Variants in USP44 observed in about 807,000 individuals in gnomAD.
USP44 encodes ubiquitin specific peptidase 44, also known as ubiquitin carboxyl-terminal hydrolase 44.
In USP44, 61 loss-of-function variants were observed where a neutral mutation model predicts 69.0. That is an observed-to-expected ratio of 0.88 (90% CI 0.72 to 1.09). The LOEUF is 1.09. Among genes scored for constraint, USP44 ranks in the 50% least tolerant of loss-of-function variants. The probability of loss-of-function intolerance (pLI) is 0.00; values close to 1 mark genes in which losing one functional copy is unlikely to be tolerated. For missense variants in USP44, 753 were observed against 849.9 expected, an observed-to-expected ratio of 0.89 and a Z score of 1.42; for synonymous variants, 297 against 295.4, an observed-to-expected ratio of 1.01 and a Z score of -0.06.
intron 2 of USP44, among the ~76,000 whole-genome samples, chr12:95,530,526 G>A (rs1017310439): frequency 6.6e-6 from 1 of 152,072 alleles, no homozygotes; most frequent in African/African-American, 2.4e-5. Flanking sequence ...CTGAGAACCA[G>A]TTCCCTAAGA....
At chr12:95,543,859 C>T (rs1355151044) in intron 1 of USP44, among the ~76,000 whole-genome samples, 8 of 146,764 alleles carry the variant, frequency 5.5e-5, no homozygotes, top group African/African-American at 1.5e-4. Flanking sequence ...CCCAGCTACT[C>T]CGGAGGCTGA....
chr12:95,538,764 C>G (rs1592728468), intron 1 of USP44, among the ~76,000 whole-genome samples: 1 of 152,196 alleles, frequency 6.6e-6, no homozygotes, highest in African/African-American at 2.4e-5. Context: ...GTAACTCAGA[C>G]AGTAACTAGG....
At chr12:95,519,403 G>GC (rs1221443454) in intron 5 of USP44, among the ~76,000 whole-genome samples, 3 of 147,790 alleles carry the variant, frequency 2.0e-5, no homozygotes, top group Non-Finnish European at 4.5e-5. Context: ...ATGGTCCCGA[G>GC]CATTTCAGAC....
chr12:95,543,598 T>G lies in USP44; in HGVS notation c.-71+7674A>C, dbSNP rs1028283487. ...ATCCACGCGTGGCAGTGCATGACTA[T>G]AGTCCCCAGCTACTTGAAAGCTACA... On this transcript the variant is annotated intron_variant, in intron 1 of 5. Coordinates refer to ENST00000258499, the MANE Select transcript of USP44 (RefSeq NM_032147.5). Among the ~76,000 whole-genome samples the G allele has an allele frequency of 2.6e-5, 4 of 152,128 alleles. No homozygotes were observed. The South Asian group carries it at 8.3e-4, about 32-fold the overall frequency.
At chr12:95,527,242 A>C (rs2076869559) in intron 3 of USP44, among the ~76,000 whole-genome samples, 1 of 151,576 alleles carries the variant, frequency 6.6e-6, no homozygotes, top group Non-Finnish European at 1.5e-5. Flanking sequence ...TTACAGGCGC[A>C]CGCCACCATG....
At chr12:95,527,469 T>C (rs2076878767) in intron 3 of USP44, among the ~76,000 whole-genome samples, 1 of 152,128 alleles carries the variant, frequency 6.6e-6, no homozygotes, top group South Asian at 2.1e-4. Context: ...ACAGAGGAAA[T>C]AAAGACACAG....
chr12:95,541,608 G>C (rs2077392547), intron 1 of USP44, among the ~76,000 whole-genome samples: 1 of 152,014 alleles, frequency 6.6e-6, no homozygotes, highest in Admixed American at 6.6e-5. Flanking sequence ...AAAGTATGCT[G>C]ATATTCCGTT....
In USP44 at chr12:95,527,239, C is replaced by T. The variant is rs142989900; in HGVS notation, c.1624+1568G>A. ...CCTCTTGAATAGCTGGGATTACAGG[C>T]GCACGCCACCATGCCCAGCTAATTT... On this transcript the variant is annotated intron_variant, in intron 3 of 5. Transcript: ENST00000258499. Among the ~76,000 whole-genome samples, 43 of 151,422 alleles carry T rather than the reference C, an allele frequency of 2.8e-4. No individual in the cohort carries two copies. The East Asian group carries it at 5.1e-3, about 18-fold the overall frequency.
At chr12:95,543,406 C>CAAAAAAAAAAAAAAAAAAAAAAA (rs60127958) in intron 1 of USP44, among the ~76,000 whole-genome samples, 5 of 43,152 alleles carry the variant, frequency 1.2e-4, no homozygotes, top group Non-Finnish European at 1.9e-4. Context: ...GACTCTTTCT[C>CAAAAAAAAAAAAAAAAAAAAAAA]AAAAAAAAAA....
At chr12:95,537,294 C>T (rs1231284285) in intron 1 of USP44, among the ~76,000 whole-genome samples, 4 of 152,074 alleles carry the variant, frequency 2.6e-5, no homozygotes, top group African/African-American at 9.7e-5. Context: ...AAACATGTTT[C>T]TGGCAAACCA....
At chr12:95,527,555 G>A (rs1362778549) in intron 3 of USP44, among the ~76,000 whole-genome samples, 2 of 152,110 alleles carry the variant, frequency 1.3e-5, no homozygotes, top group African/African-American at 2.4e-5. Context: ...CACGATCTTG[G>A]CTCACTGCAA....
intron 1 of USP44, among the ~76,000 whole-genome samples, chr12:95,549,279 G>C (rs1243757672): frequency 1.3e-5 from 2 of 152,202 alleles, no homozygotes; most frequent in East Asian, 3.8e-4. Context: ...AGCGACCCCT[G>C]GGTGTAACTT....
In USP44 at chr12:95,524,793, A is replaced by G. The variant is rs1022456860; in HGVS notation, c.1625-5T>C. On this transcript the variant is annotated splice_polypyrimidine_tract_variant and splice_region_variant and intron_variant, in intron 3 of 5. Coordinates refer to ENST00000258499, the MANE Select transcript of USP44 (RefSeq NM_032147.5). Reference sequence around the variant, plus strand: ...AGGAAAACCTTCTACGCTTTGCTGTAACATCAAAGAAAGAATAAAAATCAA... The same window carrying G: ...AGGAAAACCTTCTACGCTTTGCTGTGACATCAAAGAAAGAATAAAAATCAA... 2 of 1,582,086 alleles carry G rather than the reference A, an allele frequency of 1.3e-6. No homozygotes were observed. The highest frequency in any genetic ancestry group is 2.7e-5 in the African/African-American group (2 of 72,852).
At chr12:95,549,527 T>C (rs547097845) in intron 1 of USP44, among the ~76,000 whole-genome samples, 1 of 152,364 alleles carries the variant, frequency 6.6e-6, no homozygotes, top group African/African-American at 2.4e-5. Flanking sequence ...TGTGTTCAAC[T>C]CTGAGCCAGA....
chr12:95,539,845 GA>G (rs1271162775), intron 1 of USP44, among the ~76,000 whole-genome samples: 1 of 152,302 alleles, frequency 6.6e-6, no homozygotes, highest in East Asian at 1.9e-4. Flanking sequence ...AGAAATAGAT[GA>G]TCTTATAAGG....
At chr12:95,536,038 CCTT>C (rs1479820057) in intron 1 of USP44, among the ~76,000 whole-genome samples, 3 of 116,404 alleles carry the variant, frequency 2.6e-5, no homozygotes, top group Non-Finnish European at 3.9e-5. Flanking sequence ...CCTTTTTTTT[CCTT>C]TTTTTTTTTT....
chr12:95,547,706 C>G (rs1022139484), intron 1 of USP44, among the ~76,000 whole-genome samples: 23 of 152,160 alleles, frequency 1.5e-4, no homozygotes, highest in Non-Finnish European at 2.4e-4. Flanking sequence ...ATAAGGAATT[C>G]AAGTGCAGGA....
intron 5 of USP44, among the ~76,000 whole-genome samples, chr12:95,520,144 G>A (rs979025939): frequency 2.1e-5 from 3 of 143,716 alleles, no homozygotes; most frequent in Admixed American, 7.2e-5. Context: ...TTTGGGCTGT[G>A]TTGGGTGGGG....
rs753449115 is a variant in USP44, at chr12:95,517,345, T to G, written c.*809A>C. 6.6e-6 allele frequency: 1 copy of G among 152,142 alleles called. No homozygotes were observed. Among genetic ancestry groups the G allele is most frequent in the African/African-American group, 2.4e-5 (1 of 41,430 alleles). 9.4% of individuals were successfully genotyped at this position (152,142 alleles called of 1,614,324 possible). A position where few individuals can be genotyped will look rare whatever the true frequency, so the allele number is the denominator to read the frequency against. On this transcript the variant is annotated 3_prime_UTR_variant, in exon 6 of 6. Transcript: ENST00000258499. ...AGAGATCTAATGTCATCAGACATTATAAAATGAACTCATACCCAAGGTAAA... is the reference window on the plus strand; with the variant it reads ...AGAGATCTAATGTCATCAGACATTAGAAAATGAACTCATACCCAAGGTAAA...
Sources: allele counts gnomAD v4.1 joint callset (sites outside exome capture counted in the v4.1 genomes callset), GRCh38; gene constraint gnomAD v4.1.1; transcripts MANE v1.5; gene names NCBI Gene and HGNC (gene_info 2026-07-23, HGNC 2026-07-21).